GPC6: variants seen among roughly 807,000 people sequenced by gnomAD.
The protein encoded by GPC6 is glypican 6.
In GPC6, 14 loss-of-function variants were observed where a neutral mutation model predicts 55.2. That is an observed-to-expected ratio of 0.25 (90% CI 0.17 to 0.40). The LOEUF (loss-of-function observed/expected upper bound fraction) is 0.40, where lower values mean the gene tolerates loss of function less well. Among genes scored for constraint, GPC6 ranks in the 10% least tolerant of loss-of-function variants. The probability of loss-of-function intolerance (pLI) is 1.00; values close to 1 mark genes in which losing one functional copy is unlikely to be tolerated. For synonymous variants in GPC6, 278 were observed against 259.6 expected, an observed-to-expected ratio of 1.07 and a Z score of -0.68; for missense variants, 641 against 708.5, an observed-to-expected ratio of 0.90 and a Z score of 1.08.
intron 2 of GPC6, among the ~76,000 whole-genome samples, chr13:93,591,154 CAAAAG>C (rs1877451775): frequency 4.5e-5 from 3 of 67,068 alleles, no homozygotes; most frequent in Non-Finnish European, 3.9e-5. Flanking sequence ...TCTAATAAAG[CAAAAG>C]AAAAAAAAAA....
At chr13:93,556,238 G>A (rs1370671880) in intron 2 of GPC6, among the ~76,000 whole-genome samples, 1 of 151,742 alleles carries the variant, frequency 6.6e-6, no homozygotes, top group Non-Finnish European at 1.5e-5. Context: ...AGTTCATAAG[G>A]ACCTAATGTG....
chr13:93,343,227 A>G (rs995715039), intron 1 of GPC6, among the ~76,000 whole-genome samples: 6 of 151,540 alleles, frequency 4.0e-5, no homozygotes, highest in Non-Finnish European at 8.8e-5. Context: ...GTTCATTTAC[A>G]TAACCCGGAA....
intron 4 of GPC6, among the ~76,000 whole-genome samples, chr13:94,272,561 CAG>C (rs1892072195): frequency 6.7e-6 from 1 of 149,504 alleles, no homozygotes; most frequent in Admixed American, 6.7e-5. Context: ...CTCCGCCTCC[CAG>C]GTTCATGCCA....
chr13:93,545,442 T>C, intron 2 of GPC6, 21 bp downstream of exon 2: 3 of 1,600,714 alleles, frequency 1.9e-6, no homozygotes, highest in Middle Eastern at 1.7e-4. Context: ...TGGTTTTCAC[T>C]TCAGTTTGTT....
chr13:94,102,696 C>T (rs12428018), intron 4 of GPC6, among the ~76,000 whole-genome samples: 52,165 of 151,760 alleles, frequency 0.34, 9,485 homozygotes, highest in Middle Eastern at 0.45. Context: ...TAAGATGGTA[C>T]GATATTCCCA....
intron 2 of GPC6, among the ~76,000 whole-genome samples, chr13:93,760,354 G>A (rs1884917633): frequency 6.6e-6 from 1 of 152,160 alleles, no homozygotes; most frequent in Non-Finnish European, 1.5e-5. Flanking sequence ...TACACCCTGA[G>A]CACACCTAGA....
chr13:93,783,576 G>GTCTATCTA (rs60855226), intron 2 of GPC6, among the ~76,000 whole-genome samples: 435 of 151,130 alleles, frequency 2.9e-3, no homozygotes, highest in African/African-American at 8.1e-3. Flanking sequence ...CTATCTATCT[G>GTCTATCTA]TCTATCTATC....
At chr13:94,239,310 C>G (rs908261402) in intron 4 of GPC6, among the ~76,000 whole-genome samples, 1 of 152,116 alleles carries the variant, frequency 6.6e-6, no homozygotes, top group African/African-American at 2.4e-5. Flanking sequence ...GGGAAAGGTA[C>G]TAGACAACCC....
At chr13:93,684,968 A>C (rs1458895548) in intron 2 of GPC6, among the ~76,000 whole-genome samples, 1 of 152,170 alleles carries the variant, frequency 6.6e-6, no homozygotes, top group African/African-American at 2.4e-5. Context: ...GGAATGTCAA[A>C]ATCATTCTTT....
chr13:93,904,448 C>T (rs562302678), intron 3 of GPC6, among the ~76,000 whole-genome samples: 1 of 152,118 alleles, frequency 6.6e-6, no homozygotes, highest in African/African-American at 2.4e-5. Context: ...ATATAGTGTG[C>T]AATGATAGCC....
chr13:93,809,767 A>G (rs1886641624), intron 2 of GPC6, among the ~76,000 whole-genome samples: 1 of 152,100 alleles, frequency 6.6e-6, no homozygotes, highest in Non-Finnish European at 1.5e-5. Context: ...CCAGTACTCT[A>G]TACTTTCTAG....
At chr13:93,384,402 AAAG>A (rs1453622342) in intron 1 of GPC6, among the ~76,000 whole-genome samples, 1 of 151,986 alleles carries the variant, frequency 6.6e-6, no homozygotes, top group African/African-American at 2.4e-5. Flanking sequence ...TTTTTAAAAA[AAAG>A]GCAAAACAAA....
intron 4 of GPC6, among the ~76,000 whole-genome samples, chr13:94,246,933 A>C (rs1447663912): frequency 6.6e-6 from 1 of 151,966 alleles, no homozygotes; most frequent in Non-Finnish European, 1.5e-5. Flanking sequence ...GATAGAGATT[A>C]TATTGCTTTA....
intron 1 of GPC6, among the ~76,000 whole-genome samples, chr13:93,268,714 G>C (rs1041384299): frequency 2.0e-5 from 3 of 152,100 alleles, no homozygotes; most frequent in Admixed American, 1.3e-4. Context: ...ATTGCCTAAG[G>C]GAAGCCAGAG....
chr13:94,344,439 C>T (rs1388430313), intron 6 of GPC6, among the ~76,000 whole-genome samples: 1 of 152,216 alleles, frequency 6.6e-6, no homozygotes, highest in Non-Finnish European at 1.5e-5. Context: ...CTTAGTCTCA[C>T]AGGAGGGATG....
At chr13:93,935,594 A>T (rs576140182) in intron 3 of GPC6, among the ~76,000 whole-genome samples, 1 of 152,166 alleles carries the variant, frequency 6.6e-6, no homozygotes, top group East Asian at 1.9e-4. Context: ...TTCCTTTTTA[A>T]TTTTTTAATA....
intron 1 of GPC6, among the ~76,000 whole-genome samples, chr13:93,483,339 T>C (rs1370036336): frequency 6.6e-6 from 1 of 152,136 alleles, no homozygotes; most frequent in Non-Finnish European, 1.5e-5. Flanking sequence ...TTGTGAAACT[T>C]ATCAGTCAAT....
At chr13:94,168,472 T>C (rs879340168) in intron 4 of GPC6, among the ~76,000 whole-genome samples, 7 of 152,122 alleles carry the variant, frequency 4.6e-5, no homozygotes, top group Non-Finnish European at 1.0e-4. Flanking sequence ...ATAACATTTT[T>C]ATGTCTTCCA....
At chr13:93,423,700 C>T (rs1253232401) in intron 1 of GPC6, among the ~76,000 whole-genome samples, 1 of 152,060 alleles carries the variant, frequency 6.6e-6, no homozygotes, top group African/African-American at 2.4e-5. Context: ...ACTCCGCCAC[C>T]AACAGACTTC....
Sources: allele counts gnomAD v4.1 joint callset (sites outside exome capture counted in the v4.1 genomes callset), GRCh38; gene constraint gnomAD v4.1.1; transcripts MANE v1.5; gene names NCBI Gene and HGNC (gene_info 2026-07-23, HGNC 2026-07-21).